Variants in AKAP9 observed in about 807,000 individuals in gnomAD.
AKAP9 encodes the protein A-kinase anchor protein 9.
Under a neutral mutation model 488.5 loss-of-function variants are expected in AKAP9, and 311 were observed. The observed-to-expected ratio is 0.64, with a 90% confidence interval of 0.58 to 0.70. AKAP9 has a LOEUF of 0.70. AKAP9 is among the 30% of genes least tolerant of loss of function. AKAP9 has a pLI of 0.00. For missense variants in AKAP9, 4,215 were observed against 4,374.5 expected (o/e 0.96, Z 1.03); for synonymous variants, 1,462 against 1,483.5 (o/e 0.99, Z 0.33).
chr7:92,019,790 C>T (rs763953813), intron 12 of AKAP9, among the ~76,000 whole-genome samples: 6 of 151,962 alleles, frequency 3.9e-5, no homozygotes, highest in Non-Finnish European at 8.8e-5. Flanking sequence ...GGCCGATCAC[C>T]TGAGGTCAGG....
In AKAP9 at chr7:91,995,761, A is replaced by G. The variant is rs145447337; in HGVS notation, c.891A>G (p.Gln297=). Reference sequence around the variant, plus strand: ...AAAAGAAAGAAGACTTCACAATGCAAATTAGTTTCTTGCAAGAGAAAATTA... The same window carrying G: ...AAAAGAAAGAAGACTTCACAATGCAGATTAGTTTCTTGCAAGAGAAAATTA... ...YQKKKEDFTM[Q]ISFLQEKIKV... is the part of the protein sequence containing the mutation. Residue 297 remains glutamine (Q), a synonymous_variant, in exon 7 of 50, where the codon CAA becomes CAG. Transcript: ENST00000356239. The G allele has an allele frequency of 6.2e-7, 1 of 1,612,394 alleles. No individual in the cohort carries two copies.
intron 10 of AKAP9, among the ~76,000 whole-genome samples, chr7:92,014,869 A>G (rs1342290781): frequency 6.6e-6 from 1 of 152,138 alleles, no homozygotes; most frequent in African/African-American, 2.4e-5. Context: ...ACAGACACTA[A>G]TTGTTGATGT....
intron 47 of AKAP9, 56 bp from the exon 48 acceptor site, chr7:92,107,237 T>C: frequency 1.3e-6 from 2 of 1,588,052 alleles, no homozygotes; most frequent in Non-Finnish European, 1.7e-6. Flanking sequence ...TGTAGAAATT[T>C]TTTAAGGTCT....
At chr7:92,024,512 T>C (rs1802811330) in intron 14 of AKAP9, among the ~76,000 whole-genome samples, 1 of 151,390 alleles carries the variant, frequency 6.6e-6, no homozygotes, top group Admixed American at 6.6e-5. Context: ...TTTATTTTGT[T>C]TATTGTTCGT....
rs529318304 is a variant in AKAP9 at position 92,024,417 on chromosome 7, T to A, written c.4148+1408T>A. Among the ~76,000 whole-genome samples the A allele has an allele frequency of 5.6e-5, 8 of 142,282 alleles. No individual in the cohort carries two copies. The East Asian group carries it at 1.4e-3, about 25-fold the overall frequency. The allele number at this position is 142,282 out of a possible 152,430, so 93.3% of individuals were successfully genotyped here. A position where few individuals can be genotyped will look rare whatever the true frequency, so the allele number is the denominator to read the frequency against. On this transcript the variant is annotated intron_variant, in intron 14 of 49. Transcript: ENST00000356239. ...ACAGAGCAAGACTCTGCCTAAAAAA[T>A]ATATATATATTATGTGTGTGTGTAT...
chr7:92,028,317 A>T (rs1488231418), intron 14 of AKAP9, among the ~76,000 whole-genome samples: 1 of 150,692 alleles, frequency 6.6e-6, no homozygotes, highest in East Asian at 1.9e-4. Context: ...AAAAAAAAAA[A>T]AAAAAAGAAT....
At chr7:92,088,884 C>T (rs1356895102) in intron 37 of AKAP9, among the ~76,000 whole-genome samples, 1 of 152,064 alleles carries the variant, frequency 6.6e-6, no homozygotes, top group Non-Finnish European at 1.5e-5. Flanking sequence ...TATGGTAATG[C>T]AAGATGGTAT....
rs148318643 is a variant in AKAP9 at position 92,102,727 on chromosome 7, G to A, written c.11231G>A (p.Gly3744Glu). Residue 3744 changes from glycine (G) to glutamate (E), a missense_variant, in exon 46 of 50, where the codon GGG becomes GAG. Gly to Glu is a moderately conservative substitution (Grantham distance 98, BLOSUM62 -2). Around this residue, in one of 5 missense-constraint regions of AKAP9, gnomAD observed 253 missense variants for 266.8 expected, o/e 0.95. Transcript: ENST00000356239. ...ACCTTGGCCCTGCTTGCCCGGATGG[G>A]GGGGCAGCCAGCTTTCACGGATCTA... The part of the protein sequence containing the change: ...DATLALLARM[G>E]GQPAFTDLEV... The A allele has an allele frequency of 5.0e-6, 8 of 1,614,094 alleles. No homozygotes were observed. Among genetic ancestry groups the A allele is most frequent in the African/African-American group, 4.0e-5 (3 of 74,932 alleles).
chr7:92,008,366 A>G (rs1000747505), intron 8 of AKAP9, among the ~76,000 whole-genome samples: 1 of 148,900 alleles, frequency 6.7e-6, no homozygotes, highest in African/African-American at 2.5e-5. Context: ...AAGAAAAGAA[A>G]AGAAAACACT....
At chr7:92,076,186 AC>A (rs1182739335) in intron 28 of AKAP9, among the ~76,000 whole-genome samples, 1 of 152,196 alleles carries the variant, frequency 6.6e-6, no homozygotes, top group Non-Finnish European at 1.5e-5. Context: ...TCAGTCTCTA[AC>A]CATCAAAAAG....
intron 14 of AKAP9, among the ~76,000 whole-genome samples, chr7:92,025,794 G>A (rs1253499029): frequency 6.6e-6 from 1 of 152,200 alleles, no homozygotes; most frequent in Non-Finnish European, 1.5e-5. Flanking sequence ...CAGTAACTGA[G>A]AAGAGCCTTA....
chr7:92,054,991 A>G (rs1808548099), intron 22 of AKAP9, among the ~76,000 whole-genome samples: 1 of 152,084 alleles, frequency 6.6e-6, no homozygotes, highest in Non-Finnish European at 1.5e-5. Flanking sequence ...GGTAGAAATC[A>G]AAACCATTCT....
In AKAP9 at chr7:92,085,487, G is replaced by T; in HGVS notation, c.8833-8G>T. ...TCATAATTCTGGCTCTTGGGTTTTG[G>T]TTTCCAGGGATTACTGAGAGCTGTC... On this transcript the variant is annotated splice_polypyrimidine_tract_variant and splice_region_variant and intron_variant, in intron 35 of 49. Coordinates refer to ENST00000356239, the MANE Select transcript of AKAP9 (RefSeq NM_005751.5). 6.2e-7 allele frequency: 1 copy of T among 1,613,894 alleles called. No homozygotes were observed. The highest frequency in any genetic ancestry group is 8.5e-7 in the Non-Finnish European group (1 of 1,179,858).
chr7:91,998,043 G>C (rs1798617467), intron 7 of AKAP9, among the ~76,000 whole-genome samples: 1 of 152,136 alleles, frequency 6.6e-6, no homozygotes, highest in South Asian at 2.1e-4. Flanking sequence ...ACAGACATGA[G>C]GGAGGAATGG....
chr7:92,000,640 A>G (rs1799032307), intron 7 of AKAP9, among the ~76,000 whole-genome samples: 1 of 152,210 alleles, frequency 6.6e-6, no homozygotes, highest in Non-Finnish European at 1.5e-5. Context: ...GGCCAAAACT[A>G]CTGTAGTGTT....
intron 1 of AKAP9, among the ~76,000 whole-genome samples, chr7:91,969,857 A>G (rs188548409): frequency 5.3e-4 from 80 of 152,252 alleles, no homozygotes; most frequent in African/African-American, 1.9e-3. Flanking sequence ...TTCTGTATTC[A>G]TTCAGCCACT....
chr7:92,097,620 G>T lies in AKAP9; in HGVS notation c.10433G>T (p.Arg3478Ile). Residue 3478 changes from arginine (R) to isoleucine (I), a missense_variant, in exon 42 of 50, where the codon AGA becomes ATA. Physicochemically the swap from Arg to Ile is moderately conservative, Grantham distance 97. Coordinates refer to ENST00000356239, the MANE Select transcript of AKAP9 (RefSeq NM_005751.5). ...TTWSLTSDRT[R>I]NWVLQQKIEG... Reference sequence around the variant, plus strand: ...TGGAGCTTAACCAGTGATAGAACTAGAAATTGGGTTCTTCAACAGAAAATA... The same window carrying T: ...TGGAGCTTAACCAGTGATAGAACTATAAATTGGGTTCTTCAACAGAAAATA... The T allele has an allele frequency of 6.2e-7, 1 of 1,613,818 alleles. No homozygotes were observed. The highest frequency in any genetic ancestry group is 8.5e-7 in the Non-Finnish European group (1 of 1,180,016).
chr7:92,018,419 CACACACACACACACACACACACAG>C (rs1306870943), intron 12 of AKAP9, among the ~76,000 whole-genome samples: 2 of 128,386 alleles, frequency 1.6e-5, no homozygotes, highest in East Asian at 2.1e-4. Flanking sequence ...CACACACACA[CACACACACACACACACACACACAG>C]AGAAATATTC....
At chr7:91,986,454 G>A (rs1469827256) in intron 3 of AKAP9, among the ~76,000 whole-genome samples, 1 of 152,208 alleles carries the variant, frequency 6.6e-6, no homozygotes, top group Non-Finnish European at 1.5e-5. Context: ...AGTTGGAAAT[G>A]CAGAAATCAC....
Sources: gnomAD v4.1 joint callset for allele counts (sites outside exome capture counted in the v4.1 genomes callset) on GRCh38, gnomAD v4.1.1 for gene constraint, gnomAD v4.1.1 regional missense constraint, MANE v1.5 for transcripts, NCBI Gene and HGNC (gene_info 2026-07-23, HGNC 2026-07-21) for gene names.